The following CTSH variants were observed in gnomAD, a reference collection of about 807,000 sequenced individuals.
CTSH encodes cathepsin H, also known as pro-cathepsin H.
In CTSH, 52 loss-of-function variants were observed where a neutral mutation model predicts 56.3. That is an observed-to-expected ratio of 0.92 (90% CI 0.74 to 1.16). The LOEUF (loss-of-function observed/expected upper bound fraction) is 1.16. Among genes scored for constraint, CTSH ranks in the 50% most tolerant of loss-of-function variants. The pLI, the probability that CTSH is intolerant of heterozygous loss-of-function variation, is 0.00. For synonymous variants in CTSH, 174 were observed against 155.7 expected, an observed-to-expected ratio of 1.12 and a Z score of -0.88; for missense variants, 406 against 424.5, an observed-to-expected ratio of 0.96 and a Z score of 0.38.
At chr15:78,934,245 A>G (rs985813777) in intron 5 of CTSH, among the ~76,000 whole-genome samples, 4 of 152,230 alleles carry the variant, frequency 2.6e-5, no homozygotes, top group Non-Finnish European at 5.9e-5. Context: ...AACATTTCTC[A>G]TGGAGAATTT....
chr15:78,928,468 A>C (rs974719276), intron 8 of CTSH, among the ~76,000 whole-genome samples: 1 of 146,688 alleles, frequency 6.8e-6, no homozygotes, highest in Non-Finnish European at 1.5e-5. Context: ...CAGGAGGCTG[A>C]GGCAGATAAC....
At chr15:78,939,534 T>G (rs2055244812) in intron 1 of CTSH, among the ~76,000 whole-genome samples, 1 of 152,218 alleles carries the variant, frequency 6.6e-6, no homozygotes, top group Non-Finnish European at 1.5e-5. Flanking sequence ...AAATGCATAC[T>G]CAATGATTTG....
intron 1 of CTSH, among the ~76,000 whole-genome samples, chr15:78,942,648 C>T (rs935526624): frequency 6.6e-6 from 1 of 152,100 alleles, no homozygotes; most frequent in East Asian, 1.9e-4. Flanking sequence ...TGTTTGCTGT[C>T]CCTATTGTTT....
chr15:78,928,564 CAAAAAAA>C (rs869261525), intron 8 of CTSH, among the ~76,000 whole-genome samples: 4 of 65,882 alleles, frequency 6.1e-5, no homozygotes, highest in Admixed American at 1.8e-4. Flanking sequence ...GACTCCGTCT[CAAAAAAA>C]AAAAAAAAAA....
At chr15:78,923,371 C>CCTT (rs1166010853) in intron 10 of CTSH, among the ~76,000 whole-genome samples, 1 of 152,180 alleles carries the variant, frequency 6.6e-6, no homozygotes, top group Non-Finnish European at 1.5e-5. Context: ...CTCACTGCAA[C>CCTT]CTTCACCTCC....
At chr15:78,934,047 G>A (rs1448327702) in intron 5 of CTSH, among the ~76,000 whole-genome samples, 1 of 152,128 alleles carries the variant, frequency 6.6e-6, no homozygotes, top group Non-Finnish European at 1.5e-5. Flanking sequence ...ATTGTCATGT[G>A]GTTCTCAGAG....
At chr15:78,927,400 C>T (rs796634940) in intron 9 of CTSH, 13 of 413,588 alleles carry the variant, frequency 3.1e-5, no homozygotes, top group African/African-American at 1.6e-4. Flanking sequence ...GTGTCAAGCA[C>T]GTGCTCATAC....
intron 6 of CTSH, chr15:78,931,798 T>TG (rs2055067016): frequency 7.4e-7 from 1 of 1,350,968 alleles, no homozygotes; most frequent in Non-Finnish European, 9.6e-7. Context: ...GCCCATACGA[T>TG]GCAGAGTGTG....
chr15:78,937,559 G>T lies in CTSH; in HGVS notation c.124-136C>A. On this transcript the variant is annotated intron_variant, in intron 2 of 11. Coordinates refer to ENST00000220166, the MANE Select transcript of CTSH (RefSeq NM_004390.5). ...TCTCAGGCCAAATCTGTGTTAATGG[G>T]CGGGGTACTGCTGAGAAATTTGGGA... 2.3e-6 allele frequency: 3 copies of T among 1,329,616 alleles called. No individual in the cohort carries two copies. In the South Asian group the frequency reaches 4.4e-5, roughly 20 times the overall value. The allele number at this position is 1,329,616 out of a possible 1,614,324, so 82.4% of individuals were successfully genotyped here. A position where few individuals can be genotyped will look rare whatever the true frequency, so the allele number is the denominator to read the frequency against.
intron 2 of CTSH, chr15:78,937,926 C>G (rs2055210865): frequency 2.8e-6 from 2 of 703,540 alleles, no homozygotes; most frequent in Admixed American, 2.7e-5. Flanking sequence ...ATAATCAAAT[C>G]AAGGTCATTG....
At chr15:78,934,880 T>G (rs955962693) in intron 5 of CTSH, 98 bp downstream of exon 5, 22 of 806,248 alleles carry the variant, frequency 2.7e-5, no homozygotes, top group Non-Finnish European at 4.2e-5. Flanking sequence ...AGGGATGTGC[T>G]TGTGGTGGTT....
At chr15:78,935,178 A>G in intron 4 of CTSH, 96 bp from the exon 5 acceptor site, 2 of 812,078 alleles carry the variant, frequency 2.5e-6, no homozygotes, top group Non-Finnish European at 4.0e-6. Context: ...GGAATCACCA[A>G]GAGAGAATAA....
At chr15:78,925,540 G>T in intron 9 of CTSH, 100 bp from the exon 10 acceptor site, 1 of 762,410 alleles carries the variant, frequency 1.3e-6, no homozygotes, top group Non-Finnish European at 2.2e-6. Context: ...GAGGCCCAGA[G>T]CAGCATGGAT....
At position 78,937,318 on chromosome 15, in the gene CTSH, T is replaced by A. The variant is rs1002452059; in HGVS notation, c.229A>T (p.Met77Leu). The A allele has an allele frequency of 1.2e-6, 2 of 1,613,184 alleles. No individual in the cohort carries two copies. The highest frequency in any genetic ancestry group is 1.7e-6 in the Non-Finnish European group (2 of 1,179,280). Residue 77 changes from methionine to leucine, a missense_variant and splice_region_variant, in exon 3 of 12, where the codon ATG (methionine) becomes TTG (leucine). Met to Leu is a conservative substitution (Grantham distance 15, BLOSUM62 2). Transcript: ENST00000220166. ...AHNNGNHTFK[M>L]ALNQFSDMSF... ...GAAGGAAGGAAGGCGTTCCACGTAC[T>A]TTTAAATGTGTGGTTCCCATTGTTG...
intron 6 of CTSH, 64 bp from the exon 7 acceptor site, chr15:78,931,570 C>T (rs1447817636): frequency 1.9e-5 from 30 of 1,612,690 alleles, no homozygotes; most frequent in Admixed American, 1.5e-4. Context: ...TGGCGTGAGG[C>T]GCTAAGCCTC....
At chr15:78,924,544 G>A (rs1432066638) in intron 10 of CTSH, among the ~76,000 whole-genome samples, 2 of 152,132 alleles carry the variant, frequency 1.3e-5, no homozygotes, top group South Asian at 2.1e-4. Flanking sequence ...CAGGCGAAAA[G>A]GTGTGGGTGA....
At position 78,929,633 on chromosome 15, in the gene CTSH, G is replaced by A. The variant is rs2055004050; in HGVS notation, c.549-140C>T. 6.9e-6 allele frequency: 4 copies of A among 582,144 alleles called. No homozygotes were observed. In the South Asian group the frequency reaches 9.0e-5, roughly 13 times the overall value. 36.1% of individuals were successfully genotyped at this position (582,144 alleles called of 1,614,324 possible). A position where few individuals can be genotyped will look rare whatever the true frequency, so the allele number is the denominator to read the frequency against. On this transcript the variant is annotated intron_variant, in intron 7 of 11. Transcript: ENST00000220166. ...TGTCCCAGTGGCAGAGGGGGTCTCT[G>A]AGAGGCCCAGCCTTGGGATAAGACT...
intron 5 of CTSH, chr15:78,933,491 C>A: frequency 6.7e-6 from 3 of 448,570 alleles, no homozygotes; most frequent in South Asian, 4.7e-5. Context: ...CTACCTGCCT[C>A]CCAGGTCATC....
intron 11 of CTSH, 145 bp downstream of exon 11, chr15:78,922,848 G>T: frequency 1.1e-6 from 1 of 947,762 alleles, no homozygotes; most frequent in Non-Finnish European, 1.5e-6. Flanking sequence ...ACATTCTCAT[G>T]CTCCCTTTCC....
Sources: gnomAD v4.1 joint callset for allele counts (sites outside exome capture counted in the v4.1 genomes callset) on GRCh38, gnomAD v4.1.1 for gene constraint, MANE v1.5 for transcripts, NCBI Gene and HGNC (gene_info 2026-07-23, HGNC 2026-07-21) for gene names.